Variants in RNF19A observed in about 807,000 individuals in gnomAD.
The protein encoded by RNF19A is ring finger protein 19A, RBR E3 ubiquitin protein ligase, also known as E3 ubiquitin-protein ligase RNF19A.
Under a neutral mutation model 75.7 loss-of-function variants are expected in RNF19A, and 32 were observed. The observed-to-expected ratio is 0.42, with a 90% CI of 0.32 to 0.57. The LOEUF is 0.57. Among genes scored for constraint, RNF19A ranks in the 20% least tolerant of loss-of-function variants. RNF19A has a pLI of 0.10. For missense variants in RNF19A, 782 were observed against 1,036.3 expected (o/e 0.75, Z 3.37); for synonymous variants, 335 against 345.2 (o/e 0.97, Z 0.33).
Position 100,261,491 on chromosome 8 carries a change from A to T in RNF19A, c.1682+51T>A. The T allele has an allele frequency of 7.1e-7, 1 of 1,412,262 alleles. No individual in the cohort carries two copies. Among genetic ancestry groups the T allele is most frequent in the Non-Finnish European group, 1.0e-6 (1 of 998,168 alleles). The allele number at this position is 1,412,262 out of a possible 1,614,324, so 87.5% of individuals were successfully genotyped here. ...TTATGTTCAAAATTCTCACCTAATT[A>T]ATAATTTGTAGTTACCAGAAAGCAG... On this transcript the variant is annotated intron_variant, in intron 8 of 9. Transcript: ENST00000341084. The surrounding 1 kb of genome is among the most constrained non-coding windows in gnomAD (Gnocchi z 4.4).
At chr8:100,328,181 T>C (rs1253231259) in intron 1 of RNF19A, among the ~76,000 whole-genome samples, 2 of 152,198 alleles carry the variant, frequency 1.3e-5, no homozygotes, top group Non-Finnish European at 2.9e-5. Flanking sequence ...CTCCACCTTC[T>C]GCCACACCCT....
At chr8:100,311,717 C>CAAAAAAAAAAA (rs55695585), upstream of RNF19A, among the ~76,000 whole-genome samples, 2 of 89,936 alleles carry the variant, frequency 2.2e-5, no homozygotes, top group East Asian at 2.9e-4. Flanking sequence ...GACTCCGTCT[C>CAAAAAAAAAAA]AAAAAAAAAA....
rs1199578803 is a variant in RNF19A, at chr8:100,332,431, T to C, written c.-243+3677A>G. Among the ~76,000 whole-genome samples, 2 of 152,206 alleles carry C rather than the reference T, an allele frequency of 1.3e-5. No individual in the cohort carries two copies. The highest frequency in any genetic ancestry group is 2.9e-5 in the Non-Finnish European group (2 of 68,030). ...GTGCCTGCTTCTCGTTCCACCATGA[T>C]TGTAAGTTTTCTGAGGCCTCCTTGG... On this transcript the variant is annotated intron_variant, in intron 1 of 3. Coordinates refer to the RNF19A transcript ENST00000519527. This position sits in a 1 kb window ranked among gnomAD's most constrained non-coding sequence, Gnocchi z 4.8.
In RNF19A at chr8:100,259,815, T is replaced by TA; in HGVS notation, c.1826+38dup. On this transcript the variant is annotated intron_variant, in intron 9 of 9. Transcript: ENST00000341084. This position sits in a 1 kb window ranked among gnomAD's most constrained non-coding sequence, Gnocchi z 4.5. ...AATGATAGGAATTATTCCTTTAATT[T>TA]AAAAAATACTTTCAATTTTTTAACA... 6.4e-7 allele frequency: 1 copy of TA among 1,559,838 alleles called. No individual in the cohort carries two copies. The highest frequency in any genetic ancestry group is 8.8e-7 in the Non-Finnish European group (1 of 1,140,662).
At position 100,258,968 on chromosome 8, in the gene RNF19A, C is replaced by T; in HGVS notation, c.2105G>A (p.Ser702Asn). The change falls in exon 10 of 10, where the codon AGC (serine) becomes AAC (asparagine). Residue 702 changes from serine to asparagine, a missense_variant. Ser to Asn is a conservative substitution (Grantham distance 46). Transcript: ENST00000341084. The surrounding 1 kb of genome is among the most constrained non-coding windows in gnomAD (Gnocchi z 4.3). ...DMDAQLLEQQ[S>N]TNSSEFEAPS... ...AGCCTCAAATTCACTTGAGTTCGTG[C>T]TTTGTTGTTCTAACAACTGTGCATC... The T allele has an allele frequency of 6.2e-7, 1 of 1,614,230 alleles. No homozygotes were observed. Among genetic ancestry groups the T allele is most frequent in the South Asian group, 1.1e-5 (1 of 91,076 alleles).
upstream of RNF19A, chr8:100,309,961 G>GGTC: frequency 1.0e-6 from 1 of 985,850 alleles, no homozygotes; most frequent in Non-Finnish European, 1.2e-6. Context: ...CGCGGGGGAG[G>GGTC]GTCCCTCCGA....
At chr8:100,272,142 A>C (rs1820285897) in intron 3 of RNF19A, among the ~76,000 whole-genome samples, 1 of 152,204 alleles carries the variant, frequency 6.6e-6, no homozygotes, top group Non-Finnish European at 1.5e-5. Context: ...TATTTGCATA[A>C]AATGGGAAAA....
At position 100,268,222 on chromosome 8, in the gene RNF19A, A is replaced by C. The variant is rs796766346; in HGVS notation, c.1191+563T>G. 3.3e-5 allele frequency among the ~76,000 whole-genome samples: 5 copies of C among 152,126 alleles called. No homozygotes were observed. In the South Asian group the frequency reaches 1.0e-3, roughly 32 times the overall value. On this transcript the variant is annotated intron_variant, in intron 5 of 9. Coordinates refer to ENST00000341084, the MANE Select transcript of RNF19A (RefSeq NM_183419.4). ...ATAAATTATCCCATTAACCCTTAAC[A>C]AAAGAACTATTTGCTTAGCTAATGA...
At chr8:100,293,052 C>T (rs547676829) in intron 1 of RNF19A, among the ~76,000 whole-genome samples, 5 of 152,270 alleles carry the variant, frequency 3.3e-5, no homozygotes, top group South Asian at 4.1e-4. Context: ...CTAGATCCCT[C>T]GAGTGCAGTT....
intron 5 of RNF19A, among the ~76,000 whole-genome samples, chr8:100,267,698 T>G (rs1820049983): frequency 6.9e-6 from 1 of 144,548 alleles, no homozygotes; most frequent in Non-Finnish European, 1.5e-5. Flanking sequence ...TTTTTTGAGA[T>G]GGAGTTTTGC....
chr8:100,304,871 T>C (rs1417787164), intron 1 of RNF19A, among the ~76,000 whole-genome samples: 2 of 152,196 alleles, frequency 1.3e-5, no homozygotes, highest in Non-Finnish European at 2.9e-5. Flanking sequence ...CTTGTCTGAG[T>C]AGCCCAGAGT....
chr8:100,307,559 C>T (rs1356998585), intron 1 of RNF19A, among the ~76,000 whole-genome samples: 5 of 151,248 alleles, frequency 3.3e-5, no homozygotes, highest in South Asian at 2.1e-4. Flanking sequence ...AAAAAAAAAC[C>T]GTGGTGGGGA....
rs746745456 is a variant in RNF19A, at chr8:100,264,773, A to G, written c.1204T>C (p.Tyr402His). The G allele has an allele frequency of 1.9e-5, 31 of 1,612,416 alleles. No individual in the cohort carries two copies. Among genetic ancestry groups the G allele is most frequent in the Non-Finnish European group, 1.3e-5 (15 of 1,178,708 alleles). ...TGCTTTGAAACATCCTTGCCTTCAT[A>G]GCGATTGTGAATCTTGAATTAATAA... ...VYVGRKIHNR[Y>H]EGKDVSKHKR... Residue 402 changes from tyrosine to histidine, a missense_variant, in exon 6 of 10, where the codon TAT becomes CAT. Physicochemically the swap from Tyr to His is moderately conservative, Grantham distance 83. Transcript: ENST00000341084. This position sits in a 1 kb window ranked among gnomAD's most constrained non-coding sequence, Gnocchi z 4.7.
At chr8:100,298,916 G>A (rs1042647058) in intron 1 of RNF19A, among the ~76,000 whole-genome samples, 4 of 152,158 alleles carry the variant, frequency 2.6e-5, no homozygotes, top group South Asian at 4.1e-4. Context: ...AAAGCAGAGC[G>A]CAAAATGCCA....
At chr8:100,305,927 T>C (rs1822045122) in intron 1 of RNF19A, among the ~76,000 whole-genome samples, 1 of 152,218 alleles carries the variant, frequency 6.6e-6, no homozygotes, top group South Asian at 2.1e-4. Flanking sequence ...ATGAGCTTAT[T>C]TTTGTGATAC....
chr8:100,314,494 T>C (rs1822345435), upstream of RNF19A, among the ~76,000 whole-genome samples: 1 of 152,162 alleles, frequency 6.6e-6, no homozygotes, highest in African/African-American at 2.4e-5. This position sits in a 1 kb window ranked among gnomAD's most constrained non-coding sequence, Gnocchi z 4.1. Context: ...AACCTACCCC[T>C]GGCCCCTTCC....
At chr8:100,297,068 C>T (rs1038640071) in intron 1 of RNF19A, among the ~76,000 whole-genome samples, 1 of 152,076 alleles carries the variant, frequency 6.6e-6, no homozygotes, top group Non-Finnish European at 1.5e-5. Flanking sequence ...TATTATAATG[C>T]TATTGTGTCA....
chr8:100,297,256 C>T (rs1203405084), intron 1 of RNF19A, among the ~76,000 whole-genome samples: 1 of 152,190 alleles, frequency 6.6e-6, no homozygotes, highest in African/African-American at 2.4e-5. Context: ...AAATACCTTT[C>T]AATTACTTCA....
At chr8:100,308,211 T>C (rs554632431) in intron 1 of RNF19A, among the ~76,000 whole-genome samples, 1 of 152,264 alleles carries the variant, frequency 6.6e-6, no homozygotes, top group South Asian at 2.1e-4. Context: ...AAAGACACCT[T>C]GCGATGACAT....
Sources: gnomAD v4.1 joint callset for allele counts (sites outside exome capture counted in the v4.1 genomes callset) on GRCh38, gnomAD v4.1.1 for gene constraint, Gnocchi (gnomAD v3.1) non-coding constraint, MANE v1.5 for transcripts, NCBI Gene and HGNC (gene_info 2026-07-23, HGNC 2026-07-21) for gene names.